Variants in COL26A1 observed in about 807,000 individuals in gnomAD.
The protein encoded by COL26A1 is collagen alpha-1(XXVI) chain.
In COL26A1, 41 loss-of-function variants were observed where a neutral mutation model predicts 59.3. The observed-to-expected ratio is 0.69, with a 90% CI of 0.54 to 0.90. The LOEUF is 0.90. Ranked by LOEUF, COL26A1 falls within the 40% of genes least tolerant of loss-of-function variation. The pLI is 0.00. For missense variants in COL26A1, 612 were observed against 602.3 expected, an observed-to-expected ratio of 1.02 and a Z score of -0.17; for synonymous variants, 266 against 256.0, an observed-to-expected ratio of 1.04 and a Z score of -0.37.
chr7:101,521,427 G>A (rs139546511), intron 3 of COL26A1, among the ~76,000 whole-genome samples: 1,980 of 152,256 alleles, frequency 0.013, 26 homozygotes, highest in Middle Eastern at 0.082. Context: ...TTGTGTACAG[G>A]GTGCATGGCA....
At chr7:101,433,785 G>A (rs1245082948) in intron 2 of COL26A1, among the ~76,000 whole-genome samples, 1 of 152,058 alleles carries the variant, frequency 6.6e-6, no homozygotes, top group African/African-American at 2.4e-5. Flanking sequence ...GGGTGCCCAC[G>A]CAGGGGGATC....
intron 1 of COL26A1, among the ~76,000 whole-genome samples, chr7:101,387,736 T>A (rs1368287509): frequency 9.4e-6 from 1 of 106,910 alleles, no homozygotes; most frequent in African/African-American, 3.8e-5. Flanking sequence ...TTTAATATAA[T>A]TATATATATA....
At chr7:101,553,808 G>C (rs1795911028) in intron 11 of COL26A1, among the ~76,000 whole-genome samples, 1 of 152,152 alleles carries the variant, frequency 6.6e-6, no homozygotes, top group African/African-American at 2.4e-5. Flanking sequence ...AGGGCTGCTG[G>C]ATGTGGTAGA....
chr7:101,517,525 C>G lies in COL26A1; in HGVS notation c.386-15557C>G, dbSNP rs540931953. ...CTTGTGCTGGGTGCAGGGAAACTCCCACTTATATAATCATCAGATCTCGCG... is the reference window on the plus strand; with the variant it reads ...CTTGTGCTGGGTGCAGGGAAACTCCGACTTATATAATCATCAGATCTCGCG... On this transcript the variant is annotated intron_variant, in intron 3 of 12. Coordinates refer to ENST00000313669, the MANE Select transcript of COL26A1 (RefSeq NM_001278563.3). Among the ~76,000 whole-genome samples the G allele has an allele frequency of 1.5e-3, 230 of 152,288 alleles. 1 individual carries two copies. Among genetic ancestry groups the G allele is most frequent in the Middle Eastern group, 0.01 (3 of 294 alleles).
chr7:101,471,455 A>G (rs535888816), intron 3 of COL26A1, among the ~76,000 whole-genome samples: 56 of 152,204 alleles, frequency 3.7e-4, no homozygotes, highest in Non-Finnish European at 7.5e-4. Context: ...AGACTACTCA[A>G]TTACAGAATA....
intron 2 of COL26A1, among the ~76,000 whole-genome samples, chr7:101,443,554 A>C (rs886902571): frequency 6.6e-6 from 1 of 152,156 alleles, no homozygotes; most frequent in African/African-American, 2.4e-5. Flanking sequence ...CAGCAGATTT[A>C]AATTTTGTGA....
At chr7:101,411,089 G>A (rs1302533957) in intron 1 of COL26A1, among the ~76,000 whole-genome samples, 1 of 152,176 alleles carries the variant, frequency 6.6e-6, no homozygotes, top group African/African-American at 2.4e-5. Context: ...CCTTGAGATG[G>A]CTCAGATCCT....
chr7:101,418,499 C>T (rs1438653889), intron 1 of COL26A1, among the ~76,000 whole-genome samples: 4 of 151,806 alleles, frequency 2.6e-5, no homozygotes, highest in Non-Finnish European at 4.4e-5. Context: ...GACAGGGTCT[C>T]GCTCTGTCAC....
chr7:101,386,332 C>T (rs886329436), intron 1 of COL26A1, among the ~76,000 whole-genome samples: 5 of 150,354 alleles, frequency 3.3e-5, no homozygotes, highest in Admixed American at 1.3e-4. Context: ...TGCAGTGGCA[C>T]GATCACGGCT....
At chr7:101,473,732 AG>A (rs150953613) in intron 3 of COL26A1, among the ~76,000 whole-genome samples, 14,606 of 151,834 alleles carry the variant, frequency 0.096, 1,434 homozygotes, top group African/African-American at 0.25. Context: ...TCATGCCTGT[AG>A]TCCCAGCTAC....
Position 101,549,189 on chromosome 7 carries a change from G to T in COL26A1, c.959G>T (p.Gly320Val). 6.2e-7 allele frequency: 1 copy of T among 1,604,054 alleles called. No individual in the cohort carries two copies. The highest frequency in any genetic ancestry group is 1.1e-5 in the South Asian group (1 of 89,694). ...PGPPGPPGPR[G>V]PPGPPGTPGS... The stretch of plus-strand genomic sequence containing the variant: ...CCCACAGGTCCCCCTGGGCCTCGAG[G>T]TCCCCCAGGACCCCCAGGAACACCT... Residue 320 changes from glycine (G) to valine (V), a missense_variant, in exon 9 of 13, where the codon GGT (glycine) becomes GTT (valine). Gly to Val is a moderately radical substitution (Grantham distance 109). Transcript: ENST00000313669.
chr7:101,419,926 T>A, intron 1 of COL26A1, 51 bp from the exon 2 acceptor site: 1 of 1,595,084 alleles, frequency 6.3e-7, no homozygotes, highest in East Asian at 2.3e-5. Context: ...GACCCGAAGT[T>A]GGCAGCTCTG....
rs559200218 is a variant in COL26A1, at chr7:101,428,917, T to C, written c.281+8818T>C. On this transcript the variant is annotated intron_variant, in intron 2 of 12. Coordinates refer to ENST00000313669, the MANE Select transcript of COL26A1 (RefSeq NM_001278563.3). ...CAATCTAATTTATCAATTTTCTTTT[T>C]CTTTCTTTCTTTTTTTTTTTTTTCT... Among the ~76,000 whole-genome samples the C allele has an allele frequency of 6.1e-5, 9 of 147,228 alleles. No individual in the cohort carries two copies. The East Asian group carries it at 1.5e-3, about 25-fold the overall frequency.
At chr7:101,447,620 A>G in intron 2 of COL26A1, 64 bp from the exon 3 acceptor site, 1 of 1,125,012 alleles carries the variant, frequency 8.9e-7, no homozygotes, top group Non-Finnish European at 1.3e-6. Context: ...CCATCTTTGC[A>G]GCAGTGGGGT....
rs531742294 is a variant in COL26A1, at chr7:101,441,342, C to T, written c.282-6342C>T. Among the ~76,000 whole-genome samples, 6 of 152,274 alleles carry T rather than the reference C, an allele frequency of 3.9e-5. No homozygotes were observed. In the East Asian group the frequency reaches 1.2e-3, roughly 29 times the overall value. ...TTATATATTTTTTAAGACAGAGTCT[C>T]CCTCTGTCACCCAGACTGGAGTGCA... On this transcript the variant is annotated intron_variant, in intron 2 of 12. Transcript: ENST00000313669.
At chr7:101,376,778 AG>A (rs1791328662) in intron 1 of COL26A1, among the ~76,000 whole-genome samples, 1 of 152,138 alleles carries the variant, frequency 6.6e-6, no homozygotes, top group Non-Finnish European at 1.5e-5. Context: ...GATGTGATTG[AG>A]GAGCAGATGG....
chr7:101,495,482 T>C (rs1038186386), intron 3 of COL26A1, among the ~76,000 whole-genome samples: 3 of 151,728 alleles, frequency 2.0e-5, no homozygotes, highest in Non-Finnish European at 2.9e-5. Context: ...GATCTCGGCT[T>C]ACTGCAAGCT....
At chr7:101,515,881 A>C (rs1444984384) in intron 3 of COL26A1, among the ~76,000 whole-genome samples, 1 of 152,046 alleles carries the variant, frequency 6.6e-6, no homozygotes. Flanking sequence ...GAGCTGCTGC[A>C]CCCGGCCAGA....
At chr7:101,488,280 C>G (rs1330651787) in intron 3 of COL26A1, among the ~76,000 whole-genome samples, 1 of 116,238 alleles carries the variant, frequency 8.6e-6, no homozygotes, top group Non-Finnish European at 1.8e-5. Context: ...GACTCTGTCT[C>G]AAAAAAAAAA....
Sources: gnomAD v4.1 joint callset for allele counts (sites outside exome capture counted in the v4.1 genomes callset) on GRCh38, gnomAD v4.1.1 for gene constraint, MANE v1.5 for transcripts, NCBI Gene and HGNC (gene_info 2026-07-23, HGNC 2026-07-21) for gene names.